L3MBTL3: variants seen among roughly 807,000 people sequenced by gnomAD.
L3MBTL3 encodes lethal(3)malignant brain tumor-like protein 3.
A neutral mutation model predicts 102.3 loss-of-function variants in L3MBTL3; 27 were observed. The ratio of observed to expected loss-of-function variants is 0.26; its 90% confidence interval spans 0.19 to 0.36. L3MBTL3 has a LOEUF of 0.36. L3MBTL3 is among the 10% of genes least tolerant of loss of function. The pLI is 1.00. For missense variants in L3MBTL3, 798 were observed against 955.3 expected (o/e 0.84, Z 2.17); for synonymous variants, 340 against 320.9 (o/e 1.06, Z -0.64).
At chr6:130,029,699 T>C (rs1779590895) in intron 2 of L3MBTL3, among the ~76,000 whole-genome samples, 1 of 152,136 alleles carries the variant, frequency 6.6e-6, no homozygotes, top group South Asian at 2.1e-4. Flanking sequence ...ATAGGCCTTT[T>C]TTGATGTAAA....
At chr6:130,076,296 C>T (rs924533232) in intron 13 of L3MBTL3, among the ~76,000 whole-genome samples, 13 of 152,154 alleles carry the variant, frequency 8.5e-5, no homozygotes, top group Non-Finnish European at 2.9e-5. Flanking sequence ...CTGCAGAGCC[C>T]AGCATGTGTG....
chr6:130,106,967 C>T (rs530018277), intron 19 of L3MBTL3, among the ~76,000 whole-genome samples: 1 of 152,306 alleles, frequency 6.6e-6, no homozygotes, highest in Admixed American at 6.5e-5. Context: ...TTAATCATGT[C>T]AAAGTGTCCC....
intron 16 of L3MBTL3, among the ~76,000 whole-genome samples, chr6:130,090,339 C>T (rs111460712): frequency 1.3e-5 from 2 of 152,214 alleles, no homozygotes; most frequent in Admixed American, 6.5e-5. Context: ...TTGAGATTAT[C>T]AAGTCAAAAT....
At chr6:130,088,247 G>T (rs140593330) in intron 16 of L3MBTL3, among the ~76,000 whole-genome samples, 1 of 152,118 alleles carries the variant, frequency 6.6e-6, no homozygotes, top group Non-Finnish European at 1.5e-5. Context: ...ATGAACCATG[G>T]AACAAATATC....
At chr6:130,085,648 GT>G in intron 15 of L3MBTL3, among the ~76,000 whole-genome samples, 1 of 152,198 alleles carries the variant, frequency 6.6e-6, no homozygotes, top group African/African-American at 2.4e-5. Flanking sequence ...TGAAAGCCTG[GT>G]TCTCTTATTT....
At chr6:130,075,394 A>G (rs772447523) in intron 13 of L3MBTL3, among the ~76,000 whole-genome samples, 1 of 152,108 alleles carries the variant, frequency 6.6e-6, no homozygotes, top group Non-Finnish European at 1.5e-5. Flanking sequence ...GGCTAAGGAA[A>G]GCACTTCCTT....
Position 130,133,969 on chromosome 6 carries a change from AG to A in L3MBTL3, c.2199+66del, listed in dbSNP as rs2114437151. On this transcript the variant is annotated intron_variant, in intron 22 of 22. Coordinates refer to ENST00000361794, the MANE Select transcript of L3MBTL3 (RefSeq NM_032438.4). The surrounding 1 kb of genome is among the most constrained non-coding windows in gnomAD (Gnocchi z 4.9). ...GATCAAAGCACTGAAATGCAGTGGA[AG>A]GTGAAATGTGTGGAATTGGCAGAGT... 7.7e-7 allele frequency: 1 copy of A among 1,300,572 alleles called. No homozygotes were observed. The highest frequency in any genetic ancestry group is 1.2e-5 in the South Asian group (1 of 84,126). The allele number at this position is 1,300,572 out of a possible 1,614,324, so 80.6% of individuals were successfully genotyped here.
chr6:130,044,132 A>G (rs1183003830), intron 3 of L3MBTL3, among the ~76,000 whole-genome samples: 1 of 152,206 alleles, frequency 6.6e-6, no homozygotes, highest in South Asian at 2.1e-4. Context: ...CTGTTTCTCA[A>G]ACTGGTCATG....
At chr6:130,025,119 A>T (rs1562245277) in intron 2 of L3MBTL3, among the ~76,000 whole-genome samples, 1 of 152,186 alleles carries the variant, frequency 6.6e-6, no homozygotes, top group Non-Finnish European at 1.5e-5. Context: ...TCTGGTGAAG[A>T]TCTACACTAT....
intron 20 of L3MBTL3, among the ~76,000 whole-genome samples, chr6:130,122,785 T>C (rs1786322926): frequency 6.6e-6 from 1 of 152,180 alleles, no homozygotes; most frequent in African/African-American, 2.4e-5. Flanking sequence ...CTCTACTACT[T>C]CCTAGCTGTG....
chr6:130,038,021 G>A (rs1204463171), intron 2 of L3MBTL3, among the ~76,000 whole-genome samples: 1 of 151,676 alleles, frequency 6.6e-6, no homozygotes, highest in Non-Finnish European at 1.5e-5. Context: ...ATGAGAACAT[G>A]TGATATTTGT....
intron 14 of L3MBTL3, among the ~76,000 whole-genome samples, chr6:130,083,359 C>G (rs918113308): frequency 6.6e-6 from 1 of 151,908 alleles, no homozygotes; most frequent in African/African-American, 2.4e-5. Flanking sequence ...ATTTGTGTGT[C>G]TGTCTTGTAA....
intron 13 of L3MBTL3, among the ~76,000 whole-genome samples, chr6:130,074,109 T>G (rs1398075856): frequency 6.6e-6 from 1 of 152,212 alleles, no homozygotes; most frequent in African/African-American, 2.4e-5. Context: ...CAGATTGGGT[T>G]GCCTTTCCCA....
chr6:130,122,632 A>G (rs1582623035), intron 20 of L3MBTL3, among the ~76,000 whole-genome samples: 1 of 152,384 alleles, frequency 6.6e-6, no homozygotes, highest in Non-Finnish European at 1.5e-5. Context: ...GTTTCTGATT[A>G]TGGAAAAAGG....
chr6:130,092,960 G>A (rs950772061), intron 17 of L3MBTL3, 101 bp downstream of exon 17: 4 of 686,184 alleles, frequency 5.8e-6, no homozygotes, highest in Non-Finnish European at 1.0e-5. Context: ...TCTCTCTACT[G>A]ATGTTTCTTC....
intron 10 of L3MBTL3, among the ~76,000 whole-genome samples, chr6:130,064,903 G>A (rs572426594): frequency 6.6e-6 from 1 of 152,302 alleles, no homozygotes; most frequent in Admixed American, 6.5e-5. Context: ...ACTAGAGGCT[G>A]TAAATTACTA....
chr6:130,051,173 G>A, intron 5 of L3MBTL3, 76 bp from the exon 6 acceptor site: 1 of 1,235,506 alleles, frequency 8.1e-7, no homozygotes, highest in Non-Finnish European at 1.1e-6. Flanking sequence ...AAAATTATTA[G>A]AAGAAAAAGT....
intron 20 of L3MBTL3, among the ~76,000 whole-genome samples, chr6:130,124,087 G>GCCCAT (rs1252271443): frequency 6.6e-6 from 1 of 152,176 alleles, no homozygotes; most frequent in Non-Finnish European, 1.5e-5. Context: ...AGAGGCCTTA[G>GCCCAT]CCCATCCCAC....
At chr6:130,110,519 G>A (rs1427270703) in intron 19 of L3MBTL3, among the ~76,000 whole-genome samples, 1 of 152,174 alleles carries the variant, frequency 6.6e-6, no homozygotes, top group Non-Finnish European at 1.5e-5. Flanking sequence ...GTATAGGAAT[G>A]CTTGTGATTT....
Sources: gnomAD v4.1 joint callset for allele counts (sites outside exome capture counted in the v4.1 genomes callset) on GRCh38, gnomAD v4.1.1 for gene constraint, Gnocchi (gnomAD v3.1) non-coding constraint, MANE v1.5 for transcripts, NCBI Gene and HGNC (gene_info 2026-07-23, HGNC 2026-07-21) for gene names.